The following GDAP1L1 variants were observed in gnomAD, a reference collection of about 807,000 sequenced individuals.
The protein encoded by GDAP1L1 is ganglioside induced differentiation associated protein 1 like 1, also known as ganglioside-induced differentiation-associated protein 1-like 1.
A neutral mutation model predicts 37.1 loss-of-function variants in GDAP1L1; 21 were observed. That is an observed-to-expected ratio of 0.57 (90% CI 0.40 to 0.81). GDAP1L1 has a LOEUF of 0.81. GDAP1L1 is among the 40% of genes least tolerant of loss of function. The probability of loss-of-function intolerance (pLI) is 0.00; values close to 1 mark genes in which losing one functional copy is unlikely to be tolerated. For missense variants in GDAP1L1, 362 were observed against 491.6 expected, an observed-to-expected ratio of 0.74 and a Z score of 2.49; for synonymous variants, 193 against 209.1, an observed-to-expected ratio of 0.92 and a Z score of 0.67.
At chr20:44,261,238 G>A (rs943418274) in intron 3 of GDAP1L1, among the ~76,000 whole-genome samples, 3 of 152,220 alleles carry the variant, frequency 2.0e-5, no homozygotes, top group African/African-American at 7.2e-5. Flanking sequence ...TTCTCTTGGG[G>A]TGGCCTGCCC....
chr20:44,258,679 C>T (rs2073612854), intron 3 of GDAP1L1, 72 bp downstream of exon 3: 1 of 1,108,698 alleles, frequency 9.0e-7, no homozygotes, highest in East Asian at 2.6e-5. Context: ...CAAAGGATGT[C>T]CTCCCTCTCC....
In GDAP1L1 at chr20:44,247,528, G is replaced by T. The variant is rs902712368; in HGVS notation, c.180+14G>T. ...AGCTCGCAGAAGGTAGAGCCGGGCC[G>T]GGAGCCGCCTGCGCCGGTGGCCAGG... On this transcript the variant is annotated intron_variant, in intron 1 of 5. Coordinates refer to ENST00000342560, the MANE Select transcript of GDAP1L1 (RefSeq NM_024034.6). The T allele has an allele frequency of 2.0e-6, 3 of 1,484,012 alleles. No individual in the cohort carries two copies. The Admixed American group carries it at 7.5e-5, about 37-fold the overall frequency. The allele number at this position is 1,484,012 out of a possible 1,614,324, so 91.9% of individuals were successfully genotyped here.
chr20:44,277,938 G>C (rs1446627985), intron 5 of GDAP1L1, among the ~76,000 whole-genome samples: 1 of 152,122 alleles, frequency 6.6e-6, no homozygotes. Flanking sequence ...CGGATCACCT[G>C]AGGTCAGGAG....
rs1403654450 is a variant in GDAP1L1 at position 44,247,343 on chromosome 20, C to T, written c.9C>T (p.Thr3=). MA[T]PNNLTPTNCS... is the part of the protein sequence containing the mutation. ...TCTGATTCCGGGCTGTCATGGCGACCCCCAACAATCTGACCCCCACCAACT... is the reference window on the plus strand; with the variant it reads ...TCTGATTCCGGGCTGTCATGGCGACTCCCAACAATCTGACCCCCACCAACT... Residue 3 remains threonine (T), a synonymous_variant, in exon 1 of 6, where the codon ACC becomes ACT. Coordinates refer to ENST00000342560, the MANE Select transcript of GDAP1L1 (RefSeq NM_024034.6). 6.2e-7 allele frequency: 1 copy of T among 1,613,584 alleles called. No homozygotes were observed. The highest frequency in any genetic ancestry group is 8.5e-7 in the Non-Finnish European group (1 of 1,179,882).
In GDAP1L1 at chr20:44,261,627, C is replaced by A. The variant is rs542079176; in HGVS notation, c.548-1603C>A. Among the ~76,000 whole-genome samples, 11 of 152,290 alleles carry A rather than the reference C, an allele frequency of 7.2e-5. No homozygotes were observed. In the South Asian group the frequency reaches 2.3e-3, roughly 32 times the overall value. On this transcript the variant is annotated intron_variant, in intron 3 of 5. Transcript: ENST00000342560. ...ACACATTCAGTGATAACTACGTTAG[C>A]ACCAAAATCTCCATGTACAGCAAGC...
chr20:44,264,404 T>G, intron 4 of GDAP1L1, 41 bp from the exon 5 acceptor site: 2 of 1,438,690 alleles, frequency 1.4e-6, no homozygotes, highest in Non-Finnish European at 1.8e-6. Context: ...CTGGCTCTAT[T>G]GAGGCCAACT....
intron 2 of GDAP1L1, among the ~76,000 whole-genome samples, chr20:44,258,032 T>C (rs1297203650): frequency 1.3e-5 from 2 of 152,026 alleles, no homozygotes; most frequent in Admixed American, 1.3e-4. Context: ...TACTGCCCAT[T>C]GCATAGGCTC....
At chr20:44,277,267 A>C (rs574429041) in intron 5 of GDAP1L1, among the ~76,000 whole-genome samples, 5 of 152,294 alleles carry the variant, frequency 3.3e-5, no homozygotes, top group African/African-American at 1.2e-4. Flanking sequence ...GCGCCCAGCC[A>C]AAACTTCCGT....
chr20:44,265,287 C>T (rs2073744158), intron 5 of GDAP1L1: 1 of 985,338 alleles, frequency 1.0e-6, no homozygotes, highest in Non-Finnish European at 1.2e-6. Context: ...CAGCCCCTCC[C>T]TCCTGGAGCA....
intron 1 of GDAP1L1, among the ~76,000 whole-genome samples, chr20:44,250,473 A>G (rs1306563310): frequency 1.3e-5 from 2 of 152,236 alleles, no homozygotes; most frequent in East Asian, 3.9e-4. Context: ...GGGTGCTGTT[A>G]TAAAGGCATG....
intron 5 of GDAP1L1, among the ~76,000 whole-genome samples, chr20:44,278,013 G>A (rs946386018): frequency 6.6e-6 from 1 of 152,016 alleles, no homozygotes; most frequent in African/African-American, 2.4e-5. Flanking sequence ...AATTAGCCAA[G>A]CATGGTGGTG....
chr20:44,264,643 CAA>C (rs2073733378), intron 5 of GDAP1L1, 84 bp downstream of exon 5: 1 of 1,532,766 alleles, frequency 6.5e-7, no homozygotes, highest in South Asian at 1.2e-5. Context: ...CTTTTTTCCG[CAA>C]AAGTCTCAGA....
At chr20:44,263,076 G>A (rs761488113) in intron 3 of GDAP1L1, among the ~76,000 whole-genome samples, 154 bp from the exon 4 acceptor site, 3 of 152,042 alleles carry the variant, frequency 2.0e-5, no homozygotes, top group Non-Finnish European at 4.4e-5. Flanking sequence ...CCATCACTAC[G>A]GCACAGCCTG....
chr20:44,271,583 G>A (rs1176548444), intron 5 of GDAP1L1, among the ~76,000 whole-genome samples: 1 of 152,336 alleles, frequency 6.6e-6, no homozygotes, highest in East Asian at 1.9e-4. Flanking sequence ...AGGAATGAAG[G>A]CGGTGAGTGT....
At chr20:44,272,321 G>A (rs1314798549) in intron 5 of GDAP1L1, among the ~76,000 whole-genome samples, 1 of 152,196 alleles carries the variant, frequency 6.6e-6, no homozygotes, top group Non-Finnish European at 1.5e-5. Flanking sequence ...GCATTGAGGT[G>A]GGGAGTGTGG....
intron 3 of GDAP1L1, among the ~76,000 whole-genome samples, chr20:44,259,355 A>G (rs2073630534): frequency 6.6e-6 from 1 of 152,186 alleles, no homozygotes; most frequent in South Asian, 2.1e-4. Context: ...CTTAGTAGAT[A>G]ATAGGTGCTC....
chr20:44,258,368 CG>C (rs1288844447), intron 2 of GDAP1L1, 65 bp from the exon 3 acceptor site: 13 of 1,480,334 alleles, frequency 8.8e-6, no homozygotes, highest in Admixed American at 2.0e-5. Context: ...TCAGGGATGC[CG>C]GGGGCAGGTG....
intron 5 of GDAP1L1, among the ~76,000 whole-genome samples, chr20:44,270,164 A>ATT (rs397756226): frequency 0.016 from 1,593 of 100,498 alleles, 3 homozygotes; most frequent in Middle Eastern, 0.025. Context: ...AGTGTCTTAA[A>ATT]TTTTTTTTTT....
At chr20:44,252,287 G>A (rs2073459756) in intron 1 of GDAP1L1, among the ~76,000 whole-genome samples, 1 of 152,214 alleles carries the variant, frequency 6.6e-6, no homozygotes, top group Admixed American at 6.5e-5. Context: ...CAAGGTGGGT[G>A]GATCACCTGA....
Sources: allele counts gnomAD v4.1 joint callset (sites outside exome capture counted in the v4.1 genomes callset), GRCh38; gene constraint gnomAD v4.1.1; transcripts MANE v1.5; gene names NCBI Gene and HGNC (gene_info 2026-07-23, HGNC 2026-07-21).